Variants in KPNA6 observed in about 807,000 individuals in gnomAD.
KPNA6 encodes karyopherin subunit alpha 6.
Under a neutral mutation model 72.0 loss-of-function variants are expected in KPNA6, and 9 were observed. That is an observed-to-expected ratio of 0.13 (90% confidence interval 0.08 to 0.22). The LOEUF is 0.22. Among genes scored for constraint, KPNA6 ranks in the 10% least tolerant of loss-of-function variants. KPNA6 has a pLI of 1.00. For synonymous variants in KPNA6, 219 were observed against 242.1 expected (o/e 0.90, Z 0.89); for missense variants, 374 against 655.7 (o/e 0.57, Z 4.69).
intron 12 of KPNA6, among the ~76,000 whole-genome samples, chr1:32,167,510 C>G (rs1642361162): frequency 6.6e-6 from 1 of 151,990 alleles, no homozygotes; most frequent in African/African-American, 2.4e-5. Flanking sequence ...ATTCCAGTGA[C>G]ACTATAACAG....
intron 9 of KPNA6, 132 bp downstream of exon 9, chr1:32,162,656 G>A: frequency 1.1e-6 from 1 of 871,478 alleles, no homozygotes. Context: ...CCAACATGGT[G>A]AAACCCCGTC....
intron 1 of KPNA6, among the ~76,000 whole-genome samples, chr1:32,149,618 A>C (rs1429040521): frequency 6.6e-6 from 1 of 152,094 alleles, no homozygotes; most frequent in African/African-American, 2.4e-5. Flanking sequence ...ACAATTTTTA[A>C]ATGGCAAAAA....
intron 1 of KPNA6, among the ~76,000 whole-genome samples, chr1:32,149,018 T>C (rs1641982960): frequency 1.3e-5 from 2 of 152,108 alleles, no homozygotes; most frequent in South Asian, 4.1e-4. Flanking sequence ...TGGTATTCCA[T>C]GGGTCCACTC....
intron 1 of KPNA6, among the ~76,000 whole-genome samples, chr1:32,115,713 C>CT (rs1265265696): frequency 6.6e-6 from 1 of 152,028 alleles, no homozygotes; most frequent in Non-Finnish European, 1.5e-5. Context: ...GCATGAGTCA[C>CT]TGAGTTTGGC....
chr1:32,110,723 C>G (rs1037429434), intron 1 of KPNA6, among the ~76,000 whole-genome samples: 1 of 152,024 alleles, frequency 6.6e-6, no homozygotes, highest in African/African-American at 2.4e-5. Flanking sequence ...AAGGTGAAAC[C>G]CTGTCTCTAC....
chr1:32,158,387 T>C (rs760359085), intron 5 of KPNA6, 26 bp downstream of exon 5: 1 of 1,473,486 alleles, frequency 6.8e-7, no homozygotes, highest in Admixed American at 1.7e-5. Context: ...AAGGGGTTTG[T>C]TTTGTCTTTT....
intron 1 of KPNA6, among the ~76,000 whole-genome samples, chr1:32,127,252 T>C (rs147852621): frequency 1.8e-3 from 272 of 152,326 alleles, no homozygotes; most frequent in African/African-American, 6.0e-3. Flanking sequence ...TCAGTGCTCT[T>C]TTCACTACAT....
At chr1:32,168,744 T>G (rs1642381778) in intron 12 of KPNA6, among the ~76,000 whole-genome samples, 1 of 152,152 alleles carries the variant, frequency 6.6e-6, no homozygotes, top group Admixed American at 6.5e-5. Context: ...GTGACTAGAA[T>G]GTATTGTCCT....
chr1:32,139,851 A>C (rs1641807430), intron 1 of KPNA6, among the ~76,000 whole-genome samples: 2 of 152,238 alleles, frequency 1.3e-5, no homozygotes, highest in South Asian at 4.1e-4. Context: ...CTAGTTGATC[A>C]TTGAATCTGG....
intron 1 of KPNA6, among the ~76,000 whole-genome samples, chr1:32,123,819 C>T (rs1373047695): frequency 9.3e-5 from 14 of 149,808 alleles, no homozygotes; most frequent in Non-Finnish European, 1.5e-5. Context: ...GTGGATCATG[C>T]GGTCAAGAGA....
At chr1:32,142,956 C>G in intron 1 of KPNA6, 1 of 1,289,610 alleles carries the variant, frequency 7.8e-7, no homozygotes, top group Non-Finnish European at 1.0e-6. Flanking sequence ...GCTTCACTGT[C>G]AGCTGTGCTT....
intron 1 of KPNA6, among the ~76,000 whole-genome samples, chr1:32,131,109 C>G (rs1197741755): frequency 2.0e-5 from 3 of 152,070 alleles, no homozygotes; most frequent in African/African-American, 7.2e-5. Flanking sequence ...GCCTGGCCAA[C>G]ATGGTGAAAC....
chr1:32,138,305 G>A (rs1183474466), intron 1 of KPNA6, among the ~76,000 whole-genome samples: 1 of 151,750 alleles, frequency 6.6e-6, no homozygotes, highest in Non-Finnish European at 1.5e-5. Context: ...AGCACTTTGG[G>A]AGGCCAAGGC....
intron 1 of KPNA6, among the ~76,000 whole-genome samples, chr1:32,150,758 C>G (rs535529757): frequency 6.6e-6 from 1 of 152,266 alleles, no homozygotes; most frequent in South Asian, 2.1e-4. Flanking sequence ...TCCCGAGTAG[C>G]TGGGACTACA....
chr1:32,138,317 G>A (rs375371737), intron 1 of KPNA6, among the ~76,000 whole-genome samples: 4 of 151,910 alleles, frequency 2.6e-5, no homozygotes, highest in Admixed American at 6.6e-5. Flanking sequence ...GGCCAAGGCG[G>A]GTGGATCATC....
At position 32,128,420 on chromosome 1, in the gene KPNA6, T is replaced by C. The variant is rs1463359983; in HGVS notation, c.4+20286T>C. ...ATATATATATATATATATATATATATATATATACACACACACACACATATA... is the reference window on the plus strand; with the variant it reads ...ATATATATATATATATATATATATACATATATACACACACACACACATATA... On this transcript the variant is annotated intron_variant, in intron 1 of 13. Coordinates refer to ENST00000373625, the MANE Select transcript of KPNA6 (RefSeq NM_012316.5). Among the ~76,000 whole-genome samples the C allele has an allele frequency of 6.0e-3, 723 of 120,708 alleles. 10 individuals carry two copies. Among genetic ancestry groups the C allele is most frequent in the African/African-American group, 0.022 (606 of 28,142 alleles). 79.2% of individuals were successfully genotyped at this position (120,708 alleles called of 152,430 possible).
At chr1:32,132,807 A>G (rs1402979641) in intron 1 of KPNA6, among the ~76,000 whole-genome samples, 2 of 151,804 alleles carry the variant, frequency 1.3e-5, no homozygotes, top group African/African-American at 2.4e-5. Context: ...GGAGGCTGGG[A>G]CAGGAGAATG....
intron 1 of KPNA6, 112 bp downstream of exon 1, chr1:32,108,246 A>G (rs1383224810): frequency 6.1e-6 from 9 of 1,464,870 alleles, no homozygotes; most frequent in Non-Finnish European, 8.6e-6. Flanking sequence ...CCCTCTAGCT[A>G]GGTCTGAGGG....
Position 32,161,604 on chromosome 1 carries a change from C to T in KPNA6, c.648-343C>T, listed in dbSNP as rs369963470. On this transcript the variant is annotated intron_variant, in intron 7 of 13. Coordinates refer to ENST00000373625, the MANE Select transcript of KPNA6 (RefSeq NM_012316.5). ...TAGCTTTTATTTCTTAGACTTTTAG[C>T]TTTTATTTCCAGAGAACACCATTCC... is the stretch of plus-strand genomic sequence containing the variant. Among the ~76,000 whole-genome samples the T allele has an allele frequency of 1.4e-4, 22 of 152,318 alleles. No individual in the cohort carries two copies. The East Asian group carries it at 3.3e-3, about 23-fold the overall frequency.
Sources: gnomAD v4.1 joint callset for allele counts (sites outside exome capture counted in the v4.1 genomes callset) on GRCh38, gnomAD v4.1.1 for gene constraint, MANE v1.5 for transcripts, NCBI Gene and HGNC (gene_info 2026-07-23, HGNC 2026-07-21) for gene names.